Variants in TMEM200C observed in about 807,000 individuals in gnomAD.
The protein encoded by TMEM200C is transmembrane protein 200C.
For synonymous variants in TMEM200C, 462 were observed against 324.7 expected, an observed-to-expected ratio of 1.42 and a Z score of -4.55; for missense variants, 966 against 699.9, an observed-to-expected ratio of 1.38 and a Z score of -4.29.
intron 2 of TMEM200C, among the ~76,000 whole-genome samples, chr18:5,892,691 G>A (rs933943049): frequency 1.3e-5 from 2 of 152,226 alleles, no homozygotes; most frequent in African/African-American, 2.4e-5. Flanking sequence ...AGTTACTACT[G>A]TATAAAGACA....
exon 3 of TMEM200C, chr18:5,884,450 C>A (rs1331550669): frequency 6.6e-6 from 1 of 152,084 alleles, no homozygotes; most frequent in East Asian, 1.9e-4. Flanking sequence ...GTTTATGTGC[C>A]TGTCTCAGAA....
At chr18:5,892,226 C>T in intron 2 of TMEM200C, 69 bp from the exon 2 acceptor site, 1 of 702,332 alleles carries the variant, frequency 1.4e-6, no homozygotes, top group Non-Finnish European at 2.3e-6. Context: ...CTGCAGCTGC[C>T]CTACTCCCAG....
exon 3 of TMEM200C, chr18:5,886,440 T>C (rs1335835719): frequency 1.3e-5 from 2 of 152,306 alleles, no homozygotes; most frequent in East Asian, 3.9e-4. Flanking sequence ...TGTCTAGCTC[T>C]TGATAGTTCT....
exon 3 of TMEM200C, chr18:5,890,432 G>A: frequency 1.3e-6 from 2 of 1,574,194 alleles, no homozygotes; most frequent in Non-Finnish European, 8.7e-7. Flanking sequence ...CGGTGGAGGT[G>A]CCGGCCTCCC....
chr18:5,885,851 A>C (rs1445525977), exon 3 of TMEM200C: 1 of 152,170 alleles, frequency 6.6e-6, no homozygotes, highest in Non-Finnish European at 1.5e-5. Context: ...GTCATTCAAA[A>C]ATTTAGTCTA....
At chr18:5,890,363 A>G (rs775318967) in exon 3 of TMEM200C, 25 of 1,594,526 alleles carry the variant, frequency 1.6e-5, no homozygotes. Flanking sequence ...CCGCACCCAG[A>G]ACGGGGGCGG....
rs2095171462 is a variant in TMEM200C at position 5,891,782 on chromosome 18, G to A, written c.282C>T (p.Ser94=). 17 of 1,607,674 alleles carry A rather than the reference G, an allele frequency of 1.1e-5. No homozygotes were observed. Among genetic ancestry groups the A allele is most frequent in the Non-Finnish European group, 1.4e-5 (17 of 1,178,856 alleles). ...TGGCCGTGGTTGGGACCCGGTGGCT[G>A]CTGCCCGCAGGCGGCAGCTGCTTAC... is the stretch of plus-strand genomic sequence containing the variant. The change falls in exon 3 of 3, where the codon AGC becomes AGT. Residue 94 remains serine, a synonymous_variant. Coordinates refer to ENST00000581347, the Ensembl canonical transcript of TMEM200C. This position sits in a 1 kb window ranked among gnomAD's most constrained non-coding sequence, Gnocchi z 4.7.
exon 2 of TMEM200C, chr18:5,895,365 C>G (rs2095175019): frequency 6.6e-6 from 1 of 151,518 alleles, no homozygotes; most frequent in African/African-American, 2.4e-5. Flanking sequence ...GGGCGGGCCC[C>G]TGCGGCCGCG....
In TMEM200C at chr18:5,887,002, T is replaced by C. The variant is rs540440096; in HGVS notation, c.*3196A>G. ...TTTACACAAATATTAGTTCATTTAA[T>C]CTTTACTCCAGTCCTGTAAGATAGG... On this transcript the variant is annotated 3_prime_UTR_variant, in exon 3 of 3. Coordinates refer to ENST00000581347, the Ensembl canonical transcript of TMEM200C. 3.3e-5 allele frequency: 5 copies of C among 152,340 alleles called. No individual in the cohort carries two copies. In the East Asian group the frequency reaches 9.6e-4, roughly 29 times the overall value. The allele number at this position is 152,340 out of a possible 1,614,324, so 9.4% of individuals were successfully genotyped here.
chr18:5,888,261 T>G (rs1050256816), exon 3 of TMEM200C: 2 of 152,242 alleles, frequency 1.3e-5, no homozygotes, highest in East Asian at 3.8e-4. Flanking sequence ...TACACTTGCA[T>G]GTCACTCCTT....
chr18:5,891,866 G>T lies in TMEM200C; in HGVS notation c.198C>A (p.Gly66=), dbSNP rs758083435. 6.2e-7 allele frequency: 1 copy of T among 1,610,792 alleles called. No individual in the cohort carries two copies. The highest frequency in any genetic ancestry group is 1.1e-5 in the South Asian group (1 of 91,084). ...AGTAGCCCACCACCGCCATGGCTAT[G>T]CCCACCAGCAGCACCAGGATCCCAC... The change falls in exon 3 of 3, where the codon GGC becomes GGA. Residue 66 remains glycine (G), a synonymous_variant. Transcript: ENST00000581347. The surrounding 1 kb of genome is among the most constrained non-coding windows in gnomAD (Gnocchi z 4.7).
exon 3 of TMEM200C, chr18:5,886,864 A>G (rs2095165754): frequency 6.6e-6 from 1 of 152,212 alleles, no homozygotes; most frequent in African/African-American, 2.4e-5. Flanking sequence ...AAATTATTCT[A>G]TTAATAAAAA....
At chr18:5,887,635 G>A (rs1454855271) in exon 3 of TMEM200C, 9 of 152,254 alleles carry the variant, frequency 5.9e-5, no homozygotes, top group East Asian at 3.9e-4. Flanking sequence ...GCAAAACAGC[G>A]GTAAGAATGA....
exon 3 of TMEM200C, chr18:5,882,109 C>A (rs2095162227): frequency 6.6e-6 from 1 of 152,204 alleles, no homozygotes; most frequent in Non-Finnish European, 1.5e-5. Context: ...ATTTTTCAGG[C>A]ATGTCACATT....
At chr18:5,886,180 A>G (rs2095165226) in exon 3 of TMEM200C, 1 of 152,140 alleles carries the variant, frequency 6.6e-6, no homozygotes, top group Non-Finnish European at 1.5e-5. Flanking sequence ...AGAACTCAAA[A>G]TTACTGAAGA....
intron 2 of TMEM200C, 76 bp from the exon 2 acceptor site, chr18:5,892,233 C>T (rs2095172022): frequency 1.5e-6 from 1 of 668,484 alleles, no homozygotes; most frequent in African/African-American, 1.8e-5. Flanking sequence ...TGCCCTACTC[C>T]CAGATCCCAC....
exon 3 of TMEM200C, chr18:5,885,304 T>G (rs780708405): frequency 2.0e-5 from 3 of 152,176 alleles, no homozygotes; most frequent in African/African-American, 4.8e-5. Context: ...CACAGGTTAT[T>G]GAGACAGGCC....
intron 2 of TMEM200C, 29 bp from the exon 2 acceptor site, chr18:5,892,186 G>A (rs2095171971): frequency 3.0e-6 from 3 of 993,508 alleles, no homozygotes; most frequent in Non-Finnish European, 4.3e-6. Flanking sequence ...CAGTCAGAGG[G>A]TGTCAGCTTG....
chr18:5,884,877 A>G (rs2095164251), exon 3 of TMEM200C: 1 of 152,184 alleles, frequency 6.6e-6, no homozygotes, highest in Non-Finnish European at 1.5e-5. Flanking sequence ...TCTCAACTTA[A>G]AATAAATTGT....
Sources: allele counts gnomAD v4.1 joint callset (sites outside exome capture counted in the v4.1 genomes callset), GRCh38; gene constraint gnomAD v4.1.1; non-coding constraint Gnocchi (gnomAD v3.1); transcripts MANE v1.5; gene names NCBI Gene and HGNC (gene_info 2026-07-23, HGNC 2026-07-21).